MCC: variants seen among roughly 807,000 people sequenced by gnomAD.
The protein encoded by MCC is MCC regulator of Wnt signaling pathway, also known as colorectal mutant cancer protein.
Under a neutral mutation model 116.2 loss-of-function variants are expected in MCC, and 90 were observed. That is an observed-to-expected ratio of 0.77 (90% CI 0.65 to 0.92). The LOEUF (loss-of-function observed/expected upper bound fraction) is 0.92. Among genes scored for constraint, MCC ranks in the 40% least tolerant of loss-of-function variants. The pLI, the probability that MCC is intolerant of heterozygous loss-of-function variation, is 0.00. For synonymous variants in MCC, 578 were observed against 510.5 expected, an observed-to-expected ratio of 1.13 and a Z score of -1.78; for missense variants, 1,516 against 1,312.2, an observed-to-expected ratio of 1.16 and a Z score of -2.40.
intron 1 of MCC, among the ~76,000 whole-genome samples, chr5:113,420,293 A>C (rs36611): frequency 0.095 from 14,281 of 150,320 alleles, 977 homozygotes; most frequent in Non-Finnish European, 0.12. Context: ...ACAGCACCAA[A>C]AACAAGTTAG....
intron 17 of MCC, among the ~76,000 whole-genome samples, chr5:113,033,447 C>T (rs1162031524): frequency 1.3e-5 from 2 of 152,244 alleles, no homozygotes; most frequent in African/African-American, 4.8e-5. Context: ...AGAAACATAG[C>T]TTACTAATTC....
chr5:113,103,066 A>G (rs1313881723), intron 7 of MCC, among the ~76,000 whole-genome samples: 1 of 152,212 alleles, frequency 6.6e-6, no homozygotes, highest in African/African-American at 2.4e-5. Flanking sequence ...GTGAGCTGAG[A>G]TCATGCCACT....
chr5:113,197,441 G>A (rs1561449844), intron 3 of MCC, among the ~76,000 whole-genome samples: 1 of 152,122 alleles, frequency 6.6e-6, no homozygotes, highest in Non-Finnish European at 1.5e-5. Flanking sequence ...ACACAACTCT[G>A]AACACACTAA....
chr5:113,261,843 A>T (rs894920963), intron 3 of MCC, among the ~76,000 whole-genome samples: 5 of 152,182 alleles, frequency 3.3e-5, no homozygotes, highest in African/African-American at 1.2e-4. Context: ...AAAATTCAAG[A>T]CATTTTTGCT....
intron 11 of MCC, among the ~76,000 whole-genome samples, chr5:113,078,860 A>C (rs530300445): frequency 6.6e-6 from 1 of 152,354 alleles, no homozygotes; most frequent in Non-Finnish European, 1.5e-5. Context: ...GAAAAGAGGA[A>C]GTCAAACTGT....
At chr5:113,453,274 A>G (rs921811018) in intron 1 of MCC, among the ~76,000 whole-genome samples, 1 of 152,126 alleles carries the variant, frequency 6.6e-6, no homozygotes, top group African/African-American at 2.4e-5. Flanking sequence ...TCTGGGCCCC[A>G]GCTTGTACAC....
At chr5:113,380,379 G>C (rs1769087621) in intron 2 of MCC, among the ~76,000 whole-genome samples, 1 of 152,128 alleles carries the variant, frequency 6.6e-6, no homozygotes. Flanking sequence ...CTACTTTAAA[G>C]CTTATTGTCA....
At chr5:113,283,534 G>A (rs576071349) in intron 3 of MCC, among the ~76,000 whole-genome samples, 2 of 151,964 alleles carry the variant, frequency 1.3e-5, no homozygotes, top group African/African-American at 2.4e-5. Flanking sequence ...AAAAAGAAAC[G>A]GAAAAGAACA....
At chr5:113,487,020 A>G (rs994630932) in intron 1 of MCC, among the ~76,000 whole-genome samples, 3 of 152,156 alleles carry the variant, frequency 2.0e-5, no homozygotes, top group Admixed American at 2.0e-4. Context: ...TCAGAATTAC[A>G]TATTATTTTC....
intron 3 of MCC, among the ~76,000 whole-genome samples, chr5:113,290,275 G>A (rs1007681137): frequency 4.6e-5 from 7 of 152,216 alleles, no homozygotes; most frequent in Admixed American, 2.6e-4. Flanking sequence ...TAAGAAGAAA[G>A]TAAGGGAAAT....
intron 17 of MCC, among the ~76,000 whole-genome samples, chr5:113,038,616 G>T (rs1330205975): frequency 6.6e-6 from 1 of 152,044 alleles, no homozygotes; most frequent in Non-Finnish European, 1.5e-5. Flanking sequence ...CATTGGGTGG[G>T]GCCAGGACAA....
rs570277083 is a variant in MCC at position 113,168,396 on chromosome 5, G to A, written c.628-16974C>T. ...ATGATTCAGTTCTTTGAAACTTTCT[G>A]AAGAAATATACTTGCACTTCTTTCC... On this transcript the variant is annotated intron_variant, in intron 3 of 18. Transcript: ENST00000408903. Among the ~76,000 whole-genome samples the A allele has an allele frequency of 5.9e-5, 9 of 152,290 alleles. No homozygotes were observed. In the East Asian group the frequency reaches 1.7e-3, roughly 29 times the overall value.
intron 1 of MCC, among the ~76,000 whole-genome samples, chr5:113,451,995 T>C (rs1417359534): frequency 6.6e-6 from 1 of 152,208 alleles, no homozygotes; most frequent in Non-Finnish European, 1.5e-5. Flanking sequence ...TGTTTGGCTG[T>C]AGGCACTGGC....
At chr5:113,070,701 C>A in intron 12 of MCC, among the ~76,000 whole-genome samples, 1 of 151,950 alleles carries the variant, frequency 6.6e-6, no homozygotes, top group Non-Finnish European at 1.5e-5. Flanking sequence ...GGGTTACAGC[C>A]ATTCAGAATA....
chr5:113,352,189 A>G (rs1012499073), intron 2 of MCC, among the ~76,000 whole-genome samples: 3 of 152,160 alleles, frequency 2.0e-5, no homozygotes, highest in Admixed American at 1.3e-4. Context: ...TTTTCTCAAT[A>G]AAAACCAACA....
intron 8 of MCC, among the ~76,000 whole-genome samples, chr5:113,099,918 G>C (rs1756289694): frequency 1.3e-5 from 2 of 152,336 alleles, no homozygotes; most frequent in African/African-American, 2.4e-5. Context: ...CACACTAAGA[G>C]CAAGTACATA....
At position 113,068,157 on chromosome 5, in the gene MCC, A is replaced by C. The variant is rs138509895; in HGVS notation, c.1952T>G (p.Leu651Arg). ...CTCACTCTCTGCCAGCGCCAGGAGG[A>C]GTTCGTAGGCTTCGATGCACTGCTC... ...YSEQCIEAYE[L>R]LLALAESEQS... is the part of the protein sequence containing the mutation. The change falls in exon 13 of 19, where the codon CTC becomes CGC. Residue 651 changes from leucine to arginine, a missense_variant. Transcript: ENST00000408903. 279 of 1,614,120 alleles carry C rather than the reference A, an allele frequency of 1.7e-4. No individual in the cohort carries two copies. In the African/African-American group the frequency reaches 3.2e-3, roughly 18 times the overall value.
intron 13 of MCC, 61 bp from the exon 14 acceptor site, chr5:113,064,228 G>A: frequency 6.8e-7 from 1 of 1,473,442 alleles, no homozygotes; most frequent in Non-Finnish European, 9.2e-7. Flanking sequence ...ACGCCTGGGA[G>A]GGACTATGCA....
At chr5:113,485,716 A>G (rs1024080168) in intron 1 of MCC, among the ~76,000 whole-genome samples, 8 of 152,150 alleles carry the variant, frequency 5.3e-5, no homozygotes, top group African/African-American at 1.9e-4. Context: ...TGCTGCCCCA[A>G]CCTAGATAGC....
Sources: allele counts gnomAD v4.1 joint callset (sites outside exome capture counted in the v4.1 genomes callset), GRCh38; gene constraint gnomAD v4.1.1; transcripts MANE v1.5; gene names NCBI Gene and HGNC (gene_info 2026-07-23, HGNC 2026-07-21).